TLE5: variants seen among roughly 807,000 people sequenced by gnomAD.
TLE5 encodes TLE family member 5, transcriptional modulator.
Under a neutral mutation model 25.8 loss-of-function variants are expected in TLE5, and 7 were observed. The ratio of observed to expected loss-of-function variants is 0.27; its 90% CI spans 0.15 to 0.51. TLE5 has a LOEUF of 0.51. Among genes scored for constraint, TLE5 ranks in the 20% least tolerant of loss-of-function variants. The pLI, the probability that TLE5 is intolerant of heterozygous loss-of-function variation, is 0.97. For synonymous variants in TLE5, 132 were observed against 110.5 expected (o/e 1.20, Z -1.22); for missense variants, 149 against 250.7 (o/e 0.59, Z 2.74).
chr19:3,054,070 G>A, intron 6 of TLE5, 30 bp from the exon 7 acceptor site: 1 of 1,563,726 alleles, frequency 6.4e-7, no homozygotes, highest in Non-Finnish European at 8.6e-7. Context: ...AACATTAGCT[G>A]CCTGGGGCCC....
At chr19:3,057,838 T>A in intron 2 of TLE5, 96 bp from the exon 3 acceptor site, 1 of 1,196,752 alleles carries the variant, frequency 8.4e-7, no homozygotes, top group Non-Finnish European at 1.2e-6. Flanking sequence ...AGGCTCCAAG[T>A]CCCCTGTAAG....
At position 3,058,878 on chromosome 19, in the gene TLE5, G is replaced by A. The variant is rs917464142; in HGVS notation, c.126-1136C>T. Among the ~76,000 whole-genome samples the A allele has an allele frequency of 6.6e-5, 10 of 152,248 alleles. No homozygotes were observed. In the East Asian group the frequency reaches 7.7e-4, roughly 12 times the overall value. The stretch of plus-strand genomic sequence containing the variant: ...GCTTCTGCCATCCCCACCCCCTCTC[G>A]GACTGGGTTCAAAGCTCAGCCCTTC... On this transcript the variant is annotated intron_variant, in intron 2 of 6. Transcript: ENST00000327141.
At chr19:3,054,086 T>TCGGGGGGGGGGCCCCCCCCCC in intron 6 of TLE5, 34 bp downstream of exon 6, 6 of 1,512,806 alleles carry the variant, frequency 4.0e-6, no homozygotes, top group Non-Finnish European at 5.3e-6. Flanking sequence ...GGCCCACCTG[T>TCGGGGGGGGGGCCCCCCCCCC]CCCCCGCCCA....
chr19:3,053,459 C>T lies in TLE5; in HGVS notation c.*360G>A. On this transcript the variant is annotated 3_prime_UTR_variant, in exon 7 of 7. Coordinates refer to ENST00000327141, the MANE Select transcript of TLE5 (RefSeq NM_001130.6). ...GTGAGAGGGCTGTGGCCCAGGCAGA[C>T]TGTCGGTTACACATGTTCAAAACGG... The T allele has an allele frequency of 3.3e-6, 1 of 302,830 alleles. No individual in the cohort carries two copies. The highest frequency in any genetic ancestry group is 6.2e-6 in the Non-Finnish European group (1 of 160,616). The allele number at this position is 302,830 out of a possible 1,614,324, so 18.8% of individuals were successfully genotyped here.
chr19:3,055,774 T>C, intron 4 of TLE5, 48 bp from the exon 5 acceptor site: 1 of 1,554,736 alleles, frequency 6.4e-7, no homozygotes, highest in South Asian at 1.2e-5. Flanking sequence ...GGGTGGCAGG[T>C]GCAGGCTAGC....
intron 3 of TLE5, chr19:3,056,586 C>T (rs578094319): frequency 5.1e-5 from 34 of 661,596 alleles, no homozygotes; most frequent in East Asian, 3.8e-4. Context: ...GCTGGGGCTG[C>T]GGATGGAGAC....
chr19:3,056,580 G>C lies in TLE5; in HGVS notation c.190-224C>G, dbSNP rs1427997145. The C allele has an allele frequency of 7.5e-6, 5 of 665,342 alleles. No individual in the cohort carries two copies. In the Admixed American group the frequency reaches 1.1e-4, roughly 14 times the overall value. 41.2% of individuals were successfully genotyped at this position (665,342 alleles called of 1,614,324 possible). On this transcript the variant is annotated intron_variant, in intron 3 of 6. Transcript: ENST00000327141. The stretch of plus-strand genomic sequence containing the variant: ...CCTGGAGAGGGGCAGGGGGCCGCTG[G>C]GGCTGCGGATGGAGACTGGGGGCAC...
chr19:3,055,808 G>C, intron 4 of TLE5, 82 bp from the exon 5 acceptor site: 1 of 1,428,488 alleles, frequency 7.0e-7, no homozygotes, highest in Non-Finnish European at 9.4e-7. Flanking sequence ...CGCGGGGCCC[G>C]GCCCAGCCCT....
intron 2 of TLE5, among the ~76,000 whole-genome samples, chr19:3,058,263 C>G (rs2090237121): frequency 6.6e-6 from 1 of 152,130 alleles, no homozygotes; most frequent in Non-Finnish European, 1.5e-5. Flanking sequence ...CTCTGAGAGT[C>G]TCACGAGCCT....
intron 2 of TLE5, 120 bp from the exon 3 acceptor site, chr19:3,057,862 A>T: frequency 1.1e-6 from 1 of 870,094 alleles, no homozygotes. Context: ...AAGATCAGCC[A>T]ATTCTCAGAG....
chr19:3,056,984 C>G (rs992923410), intron 3 of TLE5, among the ~76,000 whole-genome samples: 1 of 152,138 alleles, frequency 6.6e-6, no homozygotes, highest in Non-Finnish European at 1.5e-5. Context: ...TCCATATAGT[C>G]TTCCTCAGGC....
intron 2 of TLE5, among the ~76,000 whole-genome samples, chr19:3,060,032 G>A (rs1373387771): frequency 3.9e-5 from 6 of 152,094 alleles, no homozygotes; most frequent in African/African-American, 1.4e-4. Context: ...CAACAAAATC[G>A]AGATTCCCCT....
intron 2 of TLE5, among the ~76,000 whole-genome samples, chr19:3,060,693 C>T (rs1393379251): frequency 1.3e-5 from 2 of 152,100 alleles, no homozygotes; most frequent in Non-Finnish European, 2.9e-5. Context: ...GATACCGCAG[C>T]GTGGCAAGCT....
At chr19:3,056,021 A>T (rs2090213984) in intron 4 of TLE5, 1 of 513,194 alleles carries the variant, frequency 1.9e-6, no homozygotes, top group African/African-American at 2.0e-5. Context: ...GCAGGTAGTA[A>T]GCGCTTGTGC....
chr19:3,057,524 C>T (rs2090229541), intron 3 of TLE5, 155 bp downstream of exon 3: 2 of 731,300 alleles, frequency 2.7e-6, no homozygotes, highest in African/African-American at 3.5e-5. Flanking sequence ...CAGGCTCAGC[C>T]CAGCAGGGGC....
intron 4 of TLE5, chr19:3,056,054 C>CG: frequency 1.9e-6 from 1 of 522,272 alleles, no homozygotes; most frequent in Non-Finnish European, 3.4e-6. Context: ...GGCTGGGGGC[C>CG]GTAGGCTGTG....
intron 3 of TLE5, 49 bp from the exon 4 acceptor site, chr19:3,056,405 T>A: frequency 5.4e-6 from 1 of 184,278 alleles, no homozygotes; most frequent in South Asian, 3.6e-5. Flanking sequence ...TGGGGAAGGA[T>A]GGGGGGACAC....
In TLE5 at chr19:3,061,141, C is replaced by A. The variant is rs933572772; in HGVS notation, c.125+19G>T. 1.9e-6 allele frequency: 3 copies of A among 1,591,254 alleles called. No homozygotes were observed. Among genetic ancestry groups the A allele is most frequent in the Non-Finnish European group, 2.6e-6 (3 of 1,159,716 alleles). ...ACTCACATTCTCGGGACGCAGGGAC[C>A]CCCAGTCCCCCAGCTCACCTGTGGT... On this transcript the variant is annotated intron_variant, in intron 2 of 6. Coordinates refer to ENST00000327141, the MANE Select transcript of TLE5 (RefSeq NM_001130.6).
upstream of TLE5, chr19:3,062,957 C>A: frequency 1.3e-6 from 1 of 756,652 alleles, no homozygotes; most frequent in South Asian, 1.7e-5. Context: ...TGCCAGGCCC[C>A]GCTGCTCCAG....
Sources: allele counts gnomAD v4.1 joint callset (sites outside exome capture counted in the v4.1 genomes callset), GRCh38; gene constraint gnomAD v4.1.1; transcripts MANE v1.5; gene names NCBI Gene and HGNC (gene_info 2026-07-23, HGNC 2026-07-21).